Variants in BTRC observed in about 807,000 individuals in gnomAD.
BTRC encodes the protein F-box/WD repeat-containing protein 1A.
In BTRC, 42 loss-of-function variants were observed where a neutral mutation model predicts 85.5. That is an observed-to-expected ratio of 0.49 (90% confidence interval 0.38 to 0.64). BTRC has a LOEUF of 0.64. Among genes scored for constraint, BTRC ranks in the 30% least tolerant of loss-of-function variants. The probability of loss-of-function intolerance (pLI) is 0.00; values close to 1 mark genes in which losing one functional copy is unlikely to be tolerated. For synonymous variants in BTRC, 255 were observed against 263.3 expected (o/e 0.97, Z 0.30); for missense variants, 594 against 743.5 (o/e 0.80, Z 2.34).
intron 7 of BTRC, 70 bp from the exon 8 acceptor site, chr10:101,532,225 A>G (rs545518377): frequency 1.7e-4 from 250 of 1,505,776 alleles, no homozygotes; most frequent in Non-Finnish European, 2.1e-4. Flanking sequence ...ATTGATTGTC[A>G]TTAAAGCCTA....
chr10:101,527,795 TACAC>T (rs5787437), intron 6 of BTRC, among the ~76,000 whole-genome samples: 2 of 145,326 alleles, frequency 1.4e-5, no homozygotes, highest in African/African-American at 2.6e-5. Context: ...CTCTCTCACA[TACAC>T]ACACACACAC....
chr10:101,356,628 C>T (rs944496016), intron 1 of BTRC, among the ~76,000 whole-genome samples: 5 of 152,126 alleles, frequency 3.3e-5, no homozygotes, highest in Non-Finnish European at 5.9e-5. Context: ...ATTGACCTTG[C>T]CTGCTGTTTT....
At chr10:101,416,837 T>C (rs1943959114) in intron 1 of BTRC, among the ~76,000 whole-genome samples, 1 of 152,176 alleles carries the variant, frequency 6.6e-6, no homozygotes, top group Non-Finnish European at 1.5e-5. Context: ...ATGGCTTCCA[T>C]TTTCTATATT....
In BTRC at chr10:101,442,296, A is replaced by ATGTGTGTG. The variant is rs139018865; in HGVS notation, c.156+11860_156+11867dup. ...TCTCTCTCTCTCTGTCTCTGTGTGTATGTGTGTGTGTGTGTGTGTGTGTAA... is the reference window on the plus strand; with the variant it reads ...TCTCTCTCTCTCTGTCTCTGTGTGTATGTGTGTGTGTGTGTGTGTGTGTGTGTGTGTAA... On this transcript the variant is annotated intron_variant, in intron 2 of 14. Coordinates refer to ENST00000370187, the MANE Select transcript of BTRC (RefSeq NM_033637.4). Among the ~76,000 whole-genome samples, 377 of 142,086 alleles carry ATGTGTGTG rather than the reference A, an allele frequency of 2.7e-3. 2 individuals carry two copies. The highest frequency in any genetic ancestry group is 7.1e-3 in the African/African-American group (277 of 38,742). 93.2% of individuals were successfully genotyped at this position (142,086 alleles called of 152,430 possible).
intron 13 of BTRC, among the ~76,000 whole-genome samples, chr10:101,538,710 G>A (rs2062423745): frequency 6.6e-6 from 1 of 152,050 alleles, no homozygotes; most frequent in South Asian, 2.1e-4. Context: ...ATTCAAATTG[G>A]AACCTGTCCA....
chr10:101,418,291 CTGAGAG>C (rs1944001033), intron 1 of BTRC, among the ~76,000 whole-genome samples: 1 of 151,988 alleles, frequency 6.6e-6, no homozygotes, highest in African/African-American at 2.4e-5. Flanking sequence ...TCGCTTGAAC[CTGAGAG>C]GCGGAGGTTG....
intron 13 of BTRC, 85 bp downstream of exon 13, chr10:101,538,456 A>G (rs1485756178): frequency 7.9e-7 from 1 of 1,258,800 alleles, no homozygotes; most frequent in African/African-American, 1.5e-5. Flanking sequence ...ATGGATTTGA[A>G]TTTAATAGTT....
At chr10:101,451,093 T>C (rs1944944961) in intron 2 of BTRC, among the ~76,000 whole-genome samples, 1 of 152,212 alleles carries the variant, frequency 6.6e-6, no homozygotes, top group Admixed American at 6.5e-5. Context: ...GAATGTTTGT[T>C]AGACTTAAAA....
At chr10:101,490,362 A>T (rs906963962) in intron 4 of BTRC, among the ~76,000 whole-genome samples, 7 of 152,150 alleles carry the variant, frequency 4.6e-5, no homozygotes, top group African/African-American at 1.7e-4. Context: ...GTGTTCAGGC[A>T]CTATATAGTG....
intron 6 of BTRC, among the ~76,000 whole-genome samples, chr10:101,529,950 G>C (rs1412078640): frequency 6.6e-6 from 1 of 152,214 alleles, no homozygotes; most frequent in Non-Finnish European, 1.5e-5. Flanking sequence ...GAGAACAGCA[G>C]TTAGTACACC....
Position 101,372,154 on chromosome 10 carries a change from A to C in BTRC, c.48+17926A>C, listed in dbSNP as rs1406945845. ...ACACTGTCTTAATTTCTATATTTTT[A>C]TATAATAACATTTCTTGATATCTGA... On this transcript the variant is annotated intron_variant, in intron 1 of 14. Transcript: ENST00000370187. Among the ~76,000 whole-genome samples the C allele has an allele frequency of 2.0e-5, 3 of 151,898 alleles. No individual in the cohort carries two copies. The East Asian group carries it at 5.8e-4, about 29-fold the overall frequency.
chr10:101,469,382 C>T (rs1268955012), intron 3 of BTRC, among the ~76,000 whole-genome samples: 1 of 152,136 alleles, frequency 6.6e-6, no homozygotes, highest in Non-Finnish European at 1.5e-5. Flanking sequence ...AAAATAAAGT[C>T]CTATATATAG....
intron 2 of BTRC, among the ~76,000 whole-genome samples, chr10:101,458,426 G>A (rs1369086688): frequency 1.3e-5 from 2 of 152,126 alleles, no homozygotes; most frequent in Admixed American, 1.3e-4. Context: ...TAATGGCGGT[G>A]TTATACAACT....
intron 4 of BTRC, among the ~76,000 whole-genome samples, chr10:101,512,413 C>T (rs1453290528): frequency 1.3e-5 from 2 of 152,182 alleles, no homozygotes; most frequent in Non-Finnish European, 2.9e-5. Context: ...CCTTGCAACC[C>T]CAGTACTAAA....
rs930548760 is a variant in BTRC at position 101,516,070 on chromosome 10, A to T, written c.325-5569A>T. Reference sequence around the variant, plus strand: ...CATTTAAGATTAAGCATTTCTATTTATGTTATACTTTAATGAAAATTAAAA... The same window carrying T: ...CATTTAAGATTAAGCATTTCTATTTTTGTTATACTTTAATGAAAATTAAAA... On this transcript the variant is annotated intron_variant, in intron 4 of 14. Coordinates refer to ENST00000370187, the MANE Select transcript of BTRC (RefSeq NM_033637.4). Among the ~76,000 whole-genome samples, 3 of 152,260 alleles carry T rather than the reference A, an allele frequency of 2.0e-5. No homozygotes were observed. The South Asian group carries it at 6.2e-4, about 32-fold the overall frequency.
At chr10:101,456,027 T>TG (rs1179527459) in intron 2 of BTRC, among the ~76,000 whole-genome samples, 1 of 17,244 alleles carries the variant, frequency 5.8e-5, no homozygotes, top group Non-Finnish European at 1.3e-4. Flanking sequence ...CAAAATTAGC[T>TG]GGGCATGGTG....
At chr10:101,426,928 C>T (rs1329683699) in intron 1 of BTRC, among the ~76,000 whole-genome samples, 1 of 152,010 alleles carries the variant, frequency 6.6e-6, no homozygotes, top group Non-Finnish European at 1.5e-5. Context: ...CCTCGATTTT[C>T]TTCCACTATT....
intron 13 of BTRC, among the ~76,000 whole-genome samples, chr10:101,546,479 T>C (rs1337295349): frequency 1.3e-5 from 2 of 152,142 alleles, no homozygotes; most frequent in Non-Finnish European, 2.9e-5. Flanking sequence ...ATGTGATGTT[T>C]TGAAAAGTAT....
chr10:101,395,477 A>G (rs1464519497), intron 1 of BTRC, among the ~76,000 whole-genome samples: 8 of 152,160 alleles, frequency 5.3e-5, no homozygotes, highest in Non-Finnish European at 2.9e-5. Context: ...AAAAGATTCT[A>G]AAGAAAAGAC....
Sources: allele counts gnomAD v4.1 joint callset (sites outside exome capture counted in the v4.1 genomes callset), GRCh38; gene constraint gnomAD v4.1.1; transcripts MANE v1.5; gene names NCBI Gene and HGNC (gene_info 2026-07-23, HGNC 2026-07-21).